The following YME1L1 variants were observed in gnomAD, a reference collection of about 807,000 sequenced individuals.
YME1L1 encodes YME1 like 1 ATPase, also known as ATP-dependent zinc metalloprotease YME1L1.
In YME1L1, 39 loss-of-function variants were observed where a neutral mutation model predicts 90.4. The observed-to-expected ratio is 0.43, with a 90% CI of 0.33 to 0.56. The LOEUF is 0.56. Ranked by LOEUF, YME1L1 falls within the 20% of genes least tolerant of loss-of-function variation. The pLI, the probability that YME1L1 is intolerant of heterozygous loss-of-function variation, is 0.03. For synonymous variants in YME1L1, 284 were observed against 287.3 expected (o/e 0.99, Z 0.12); for missense variants, 617 against 868.4 (o/e 0.71, Z 3.64).
rs762566804 is a variant in YME1L1 at position 27,131,985 on chromosome 10, C to T, written c.776-44G>A. ...ATGTTTATATTTGATAGATTAATAA[C>T]ATTCCAATCACCTTGTTTTTTAGAT... is the stretch of plus-strand genomic sequence containing the variant. On this transcript the variant is annotated intron_variant, in intron 7 of 18. Transcript: ENST00000376016. 9 of 1,496,030 alleles carry T rather than the reference C, an allele frequency of 6.0e-6. No homozygotes were observed. In the East Asian group the frequency reaches 2.0e-4, roughly 34 times the overall value. 92.7% of individuals were successfully genotyped at this position (1,496,030 alleles called of 1,614,324 possible).
intron 4 of YME1L1, among the ~76,000 whole-genome samples, chr10:27,141,772 T>A (rs1336405610): frequency 6.6e-6 from 1 of 152,202 alleles, no homozygotes; most frequent in Non-Finnish European, 1.5e-5. Context: ...AGTGCCCAAT[T>A]TTACTGGCTC....
intron 4 of YME1L1, among the ~76,000 whole-genome samples, chr10:27,137,540 C>A (rs1211358976): frequency 6.6e-6 from 1 of 152,162 alleles, no homozygotes; most frequent in Non-Finnish European, 1.5e-5. Context: ...CTAAAAAAGG[C>A]TGTTATCAAT....
In YME1L1 at chr10:27,150,978, T is replaced by C. The variant is rs531724036; in HGVS notation, c.34-1938A>G. Among the ~76,000 whole-genome samples the C allele has an allele frequency of 2.2e-5, 3 of 138,754 alleles. No homozygotes were observed. In the East Asian group the frequency reaches 7.3e-4, roughly 34 times the overall value. The allele number at this position is 138,754 out of a possible 152,430, so 91.0% of individuals were successfully genotyped here. On this transcript the variant is annotated intron_variant, in intron 1 of 18. Coordinates refer to ENST00000376016, the MANE Select transcript of YME1L1 (RefSeq NM_014263.4). The stretch of plus-strand genomic sequence containing the variant: ...TCTCGCTTTGTCGCCCAGACTGGAG[T>C]GCAGTGATGCAATCTCGGCTCACTG...
rs768218027 is a variant in YME1L1, at chr10:27,110,859, T to C, written c.*1118A>G. 6.6e-6 allele frequency: 1 copy of C among 151,984 alleles called. No individual in the cohort carries two copies. Among genetic ancestry groups the C allele is most frequent in the Non-Finnish European group, 1.5e-5 (1 of 67,990 alleles). The allele number at this position is 151,984 out of a possible 1,614,324, so 9.4% of individuals were successfully genotyped here. On this transcript the variant is annotated 3_prime_UTR_variant, in exon 19 of 19. Coordinates refer to ENST00000376016, the MANE Select transcript of YME1L1 (RefSeq NM_014263.4). ...AAATGCACACAGCATTTCTGAAAGG[T>C]TATAATAATTTATTTAATTTTTTTT...
Position 27,117,635 on chromosome 10 carries a change from T to C in YME1L1, c.1660A>G (p.Lys554Glu). 1.2e-6 allele frequency: 2 copies of C among 1,614,176 alleles called. No homozygotes were observed. The highest frequency in any genetic ancestry group is 1.7e-6 in the Non-Finnish European group (2 of 1,180,002). Residue 554 changes from lysine to glutamate, a missense_variant, in exon 15 of 19, where the codon AAA becomes GAA. By Grantham distance (56) the Lys-to-Glu change is moderately conservative. Coordinates refer to ENST00000376016, the MANE Select transcript of YME1L1 (RefSeq NM_014263.4). The stretch of plus-strand genomic sequence containing the variant: ...GCTTTGTTGATAGGCATTGCATCTT[T>C]TGTGTAATATGCAATAATGGCATGA... Reference protein sequence around the residue: ...SGHAIIAYYTKDAMPINKATI... With the variant: ...SGHAIIAYYTEDAMPINKATI...
chr10:27,148,710 T>C (rs2057173025), intron 2 of YME1L1, among the ~76,000 whole-genome samples, 196 bp downstream of exon 2: 1 of 152,190 alleles, frequency 6.6e-6, no homozygotes, highest in Admixed American at 6.5e-5. Context: ...ACAAAATATA[T>C]GTTAATGGAC....
chr10:27,136,702 T>TATTTATTA (rs2057031671), intron 4 of YME1L1, among the ~76,000 whole-genome samples: 1 of 4,168 alleles, frequency 2.4e-4, no homozygotes, highest in Non-Finnish European at 5.5e-4. Flanking sequence ...AAAGGAACTT[T>TATTTATTA]ATTTATTTAT....
At chr10:27,141,006 T>C (rs2057081582) in intron 4 of YME1L1, among the ~76,000 whole-genome samples, 1 of 152,208 alleles carries the variant, frequency 6.6e-6, no homozygotes, top group Non-Finnish European at 1.5e-5. Context: ...AGAGGGTTAT[T>C]AGTCTCTTTG....
intron 8 of YME1L1, among the ~76,000 whole-genome samples, chr10:27,127,098 T>A (rs2056928109): frequency 6.6e-6 from 1 of 152,186 alleles, no homozygotes; most frequent in African/African-American, 2.4e-5. Flanking sequence ...GAGAGGAGCA[T>A]TCTAAAACAT....
rs140862481 is a variant in YME1L1 at position 27,134,874 on chromosome 10, C to T, written c.648G>A (p.Ala216=). The T allele has an allele frequency of 2.2e-4, 352 of 1,613,980 alleles. No individual in the cohort carries two copies. Among genetic ancestry groups the T allele is most frequent in the Admixed American group, 4.8e-4 (29 of 60,014 alleles). ...GTGCTTGAGCTTTCAGAAAACCTTC[C>T]GCAAAACCAGTTTTAAATGCATCTT... ...AHQDAFKTGF[A]EGFLKAQALT... The change falls in exon 6 of 19, where the codon GCG becomes GCA. Residue 216 remains alanine (A), a synonymous_variant. Coordinates refer to ENST00000376016, the MANE Select transcript of YME1L1 (RefSeq NM_014263.4).
chr10:27,137,866 G>A (rs1177993606), intron 4 of YME1L1, among the ~76,000 whole-genome samples: 1 of 151,922 alleles, frequency 6.6e-6, no homozygotes. Flanking sequence ...TTATTTTAAT[G>A]TGTCTTTGTC....
chr10:27,116,369 A>C, intron 15 of YME1L1, 24 bp from the exon 16 acceptor site: 1 of 1,611,568 alleles, frequency 6.2e-7, no homozygotes, highest in Non-Finnish European at 8.5e-7. Context: ...AATTAATCAG[A>C]TAAAAAATAA....
chr10:27,140,930 A>G (rs955593032), intron 4 of YME1L1, among the ~76,000 whole-genome samples: 1 of 152,204 alleles, frequency 6.6e-6, no homozygotes, highest in African/African-American at 2.4e-5. Context: ...GTTTTTATAC[A>G]TCTTCCAACA....
In YME1L1 at chr10:27,111,808, A is replaced by T; in HGVS notation, c.*169T>A. The T allele has an allele frequency of 1.1e-6, 1 of 873,962 alleles. No homozygotes were observed. The highest frequency in any genetic ancestry group is 1.9e-6 in the Non-Finnish European group (1 of 533,364). 54.1% of individuals were successfully genotyped at this position (873,962 alleles called of 1,614,324 possible). A position where few individuals can be genotyped will look rare whatever the true frequency, so the allele number is the denominator to read the frequency against. ...GATGCTAATTTGCAATAGGTGTCAT[A>T]ATGAGAATAACCCAAACTGGATAAA... On this transcript the variant is annotated 3_prime_UTR_variant, in exon 19 of 19. Coordinates refer to ENST00000376016, the MANE Select transcript of YME1L1 (RefSeq NM_014263.4).
At chr10:27,138,361 G>C (rs1343785261) in intron 4 of YME1L1, among the ~76,000 whole-genome samples, 2 of 151,992 alleles carry the variant, frequency 1.3e-5, no homozygotes, top group Non-Finnish European at 2.9e-5. Flanking sequence ...TTCCCAAGTG[G>C]GTCATTAGAG....
rs888856157 is a variant in YME1L1, at chr10:27,110,570, A to G, written c.*1407T>C. The G allele has an allele frequency of 6.6e-6, 1 of 152,226 alleles. No individual in the cohort carries two copies. The highest frequency in any genetic ancestry group is 1.5e-5 in the Non-Finnish European group (1 of 68,040). 9.4% of individuals were successfully genotyped at this position (152,226 alleles called of 1,614,324 possible). A position where few individuals can be genotyped will look rare whatever the true frequency, so the allele number is the denominator to read the frequency against. On this transcript the variant is annotated 3_prime_UTR_variant, in exon 19 of 19. Transcript: ENST00000376016. ...TCTATTGAGTTAAATATTCATCTGTAGATCCTATAACAGCATGTTCATATT... is the reference window on the plus strand; with the variant it reads ...TCTATTGAGTTAAATATTCATCTGTGGATCCTATAACAGCATGTTCATATT...
At chr10:27,135,791 A>G (rs1417817505) in intron 5 of YME1L1, among the ~76,000 whole-genome samples, 2 of 150,206 alleles carry the variant, frequency 1.3e-5, no homozygotes, top group Admixed American at 6.6e-5. Flanking sequence ...AGAAAGATTG[A>G]TGGGTGGCAG....
intron 2 of YME1L1, chr10:27,146,346 G>A (rs150399740): frequency 6.6e-6 from 1 of 152,236 alleles, no homozygotes; most frequent in East Asian, 1.9e-4. Flanking sequence ...AAAACTGTGT[G>A]AAAATCAGGC....
In YME1L1 at chr10:27,154,261, T is replaced by A; in HGVS notation, c.-51A>T. The A allele has an allele frequency of 6.4e-7, 1 of 1,570,708 alleles. No homozygotes were observed. The highest frequency in any genetic ancestry group is 2.3e-5 in the East Asian group (1 of 42,652). On this transcript the variant is annotated 5_prime_UTR_variant, in exon 1 of 19. Coordinates refer to ENST00000376016, the MANE Select transcript of YME1L1 (RefSeq NM_014263.4). ...CCCGCCTGCCGAAACTGTGCCCCTC[T>A]GTCCACGGCCCGGCGGGGAGGCGCT...
Sources: allele counts gnomAD v4.1 joint callset (sites outside exome capture counted in the v4.1 genomes callset), GRCh38; gene constraint gnomAD v4.1.1; transcripts MANE v1.5; gene names NCBI Gene and HGNC (gene_info 2026-07-23, HGNC 2026-07-21).